DLGAP2: variants seen among roughly 807,000 people sequenced by gnomAD.
DLGAP2 encodes DLG associated protein 2, also known as disks large-associated protein 2.
In DLGAP2, 26 loss-of-function variants were observed where a neutral mutation model predicts 100.3. The ratio of observed to expected loss-of-function variants is 0.26; its 90% CI spans 0.19 to 0.36. The LOEUF is 0.36. Ranked by LOEUF, DLGAP2 falls within the 10% of genes least tolerant of loss-of-function variation. The probability of loss-of-function intolerance (pLI) is 1.00; values close to 1 mark genes in which losing one functional copy is unlikely to be tolerated. For missense variants in DLGAP2, 1,858 were observed against 1,453.2 expected, an observed-to-expected ratio of 1.28 and a Z score of -4.53; for synonymous variants, 886 against 630.1, an observed-to-expected ratio of 1.41 and a Z score of -6.08.
intron 3 of DLGAP2, among the ~76,000 whole-genome samples, chr8:1,323,783 C>A (rs556841765): frequency 6.6e-6 from 1 of 152,324 alleles, no homozygotes; most frequent in East Asian, 1.9e-4. Context: ...TTATTTGGAT[C>A]TTTGAAGAAA....
chr8:1,081,719 A>G (rs960816309), intron 2 of DLGAP2, among the ~76,000 whole-genome samples: 1 of 152,136 alleles, frequency 6.6e-6, no homozygotes, highest in Non-Finnish European at 1.5e-5. Flanking sequence ...TTCATGATTT[A>G]TTGAGTCTTT....
chr8:974,224 ACTATAGAAAAT>A (rs1365404890), intron 2 of DLGAP2, among the ~76,000 whole-genome samples: 2 of 152,242 alleles, frequency 1.3e-5, no homozygotes, highest in Non-Finnish European at 2.9e-5. Context: ...TCATATTCAA[ACTATAGAAAAT>A]CAAAGATGAA....
In DLGAP2 at chr8:778,888, T is replaced by G. The variant is rs558495904; in HGVS notation, c.18+41063T>G. Among the ~76,000 whole-genome samples, 2 of 152,364 alleles carry G rather than the reference T, an allele frequency of 1.3e-5. 1 individual carries two copies. Among genetic ancestry groups the G allele is most frequent in the South Asian group, 4.1e-4 (2 of 4,832 alleles). ...CTCCACCCAGTTCGAGCTTCCCGGC[T>G]GCTTTGTTTACCTAAGCAAGCCTGG... On this transcript the variant is annotated intron_variant, in intron 1 of 14. Coordinates refer to ENST00000637795, the MANE Select transcript of DLGAP2 (RefSeq NM_001346810.2).
chr8:854,887 A>T (rs552724024), intron 1 of DLGAP2, among the ~76,000 whole-genome samples: 3 of 152,354 alleles, frequency 2.0e-5, no homozygotes, highest in African/African-American at 7.2e-5. Flanking sequence ...GGTATCAGGA[A>T]ACAGTAGTGA....
At chr8:897,410 C>T (rs900778272) in intron 1 of DLGAP2, among the ~76,000 whole-genome samples, 2 of 152,206 alleles carry the variant, frequency 1.3e-5, no homozygotes, top group African/African-American at 4.8e-5. Flanking sequence ...ACTTCAACTC[C>T]AGATGAATTT....
intron 8 of DLGAP2, among the ~76,000 whole-genome samples, chr8:1,651,948 C>T (rs1363623015): frequency 6.6e-6 from 1 of 152,204 alleles, no homozygotes; most frequent in Non-Finnish European, 1.5e-5. Context: ...AGAGCCTCGT[C>T]AGAGCCGGGC....
intron 2 of DLGAP2, among the ~76,000 whole-genome samples, chr8:1,049,304 G>A (rs1000599989): frequency 2.6e-5 from 4 of 152,070 alleles, no homozygotes; most frequent in African/African-American, 9.7e-5. Context: ...TTAGGATGGA[G>A]GCCTGTTCTA....
intron 4 of DLGAP2, among the ~76,000 whole-genome samples, chr8:1,534,351 T>C (rs756177013): frequency 6.6e-6 from 1 of 152,256 alleles, no homozygotes; most frequent in Non-Finnish European, 1.5e-5. Context: ...ATAGCAGCTT[T>C]CTTTTGTGCT....
At chr8:927,380 G>T (rs1247620999) in intron 2 of DLGAP2, among the ~76,000 whole-genome samples, 2 of 152,132 alleles carry the variant, frequency 1.3e-5, no homozygotes, top group African/African-American at 2.4e-5. Context: ...TGTTTAAAAC[G>T]TTCTGGTCCC....
chr8:741,793 C>T (rs1488553340), intron 1 of DLGAP2, among the ~76,000 whole-genome samples: 2 of 152,172 alleles, frequency 1.3e-5, no homozygotes, highest in Admixed American at 6.5e-5. Flanking sequence ...CCTGACTGGC[C>T]GGAGCCCTAA....
intron 2 of DLGAP2, among the ~76,000 whole-genome samples, chr8:1,132,813 C>T (rs79596699): frequency 0.085 from 12,999 of 152,234 alleles, 704 homozygotes; most frequent in East Asian, 0.19. Context: ...AAGGGCAGGA[C>T]GCCCAGTCGC....
intron 1 of DLGAP2, among the ~76,000 whole-genome samples, chr8:774,851 T>C (rs556013422): frequency 6.1e-4 from 89 of 147,008 alleles, no homozygotes; most frequent in African/African-American, 2.2e-3. Flanking sequence ...TGGTTCCATA[T>C]GAACTTTAAA....
At chr8:1,428,732 A>C (rs1373385963) in intron 3 of DLGAP2, among the ~76,000 whole-genome samples, 1 of 152,220 alleles carries the variant, frequency 6.6e-6, no homozygotes, top group East Asian at 1.9e-4. Flanking sequence ...AGTGCCAGCA[A>C]ATGTGTCAAG....
At chr8:1,589,864 A>G (rs1563241477) in intron 6 of DLGAP2, among the ~76,000 whole-genome samples, 1 of 152,022 alleles carries the variant, frequency 6.6e-6, no homozygotes, top group Non-Finnish European at 1.5e-5. Context: ...GTCACTTCTG[A>G]CCCCGCAACA....
At chr8:1,336,030 T>C (rs1306514233) in intron 3 of DLGAP2, among the ~76,000 whole-genome samples, 3 of 152,032 alleles carry the variant, frequency 2.0e-5, no homozygotes, top group Admixed American at 6.5e-5. Context: ...ATAAAGAAAC[T>C]CTGAGCGGTG....
chr8:1,237,055 A>G (rs139557414), intron 2 of DLGAP2, among the ~76,000 whole-genome samples: 2,038 of 107,426 alleles, frequency 0.019, 48 homozygotes, highest in South Asian at 0.086. Context: ...CTCACATGGC[A>G]CCATGTCTAG....
At chr8:1,167,847 G>A (rs76146507) in intron 2 of DLGAP2, among the ~76,000 whole-genome samples, 5,048 of 151,820 alleles carry the variant, frequency 0.033, 311 homozygotes, top group African/African-American at 0.12. Context: ...GTAGAGGGAT[G>A]TAGACAGACA....
intron 3 of DLGAP2, among the ~76,000 whole-genome samples, chr8:1,463,635 C>G (rs538178497): frequency 6.6e-6 from 1 of 152,362 alleles, no homozygotes; most frequent in South Asian, 2.1e-4. Flanking sequence ...CAATCCCATC[C>G]AGGAGGCGGT....
chr8:883,976 C>G (rs1276022833), intron 1 of DLGAP2, among the ~76,000 whole-genome samples: 3 of 152,188 alleles, frequency 2.0e-5, no homozygotes, highest in African/African-American at 7.2e-5. Flanking sequence ...GATCTCTTTG[C>G]TTTTTATAGC....
Sources: gnomAD v4.1 joint callset for allele counts (sites outside exome capture counted in the v4.1 genomes callset) on GRCh38, gnomAD v4.1.1 for gene constraint, MANE v1.5 for transcripts, NCBI Gene and HGNC (gene_info 2026-07-23, HGNC 2026-07-21) for gene names.